The following CDC42 variants were observed in gnomAD, a reference collection of about 807,000 sequenced individuals.
The protein encoded by CDC42 is cell division control protein 42 homolog.
A neutral mutation model predicts 20.8 loss-of-function variants in CDC42; 1 was observed. The observed-to-expected ratio is 0.05, with a 90% CI of 0.02 to 0.23. The LOEUF (loss-of-function observed/expected upper bound fraction) is 0.23. Among genes scored for constraint, CDC42 ranks in the 10% least tolerant of loss-of-function variants. The pLI is 1.00. For synonymous variants in CDC42, 72 were observed against 84.8 expected, an observed-to-expected ratio of 0.85 and a Z score of 0.83; for missense variants, 49 against 227.9, an observed-to-expected ratio of 0.21 and a Z score of 5.05.
chr1:22,082,875 A>ATTTTTTTTTTTTTTTTTTTTTTTTTTT (rs3036839), intron 3 of CDC42, among the ~76,000 whole-genome samples: 3 of 140,210 alleles, frequency 2.1e-5, no homozygotes. Flanking sequence ...CACAGAGAAA[A>ATTTTTTTTTTTTTTTTTTTTTTTTTTT]TTTTTATTTT....
At chr1:22,066,997 A>G (rs1330958622) in intron 1 of CDC42, among the ~76,000 whole-genome samples, 2 of 152,056 alleles carry the variant, frequency 1.3e-5, no homozygotes, top group Non-Finnish European at 2.9e-5. Context: ...TGGGAGGCGG[A>G]GGTTGTGGTG....
At chr1:22,063,620 CT>C (rs1276801351) in intron 1 of CDC42, among the ~76,000 whole-genome samples, 1 of 152,166 alleles carries the variant, frequency 6.6e-6, no homozygotes, top group Non-Finnish European at 1.5e-5. Flanking sequence ...ACCAGCACAA[CT>C]ACTGTTAAAT....
At chr1:22,082,797 A>T (rs16826506) in intron 3 of CDC42, among the ~76,000 whole-genome samples, 1 of 152,122 alleles carries the variant, frequency 6.6e-6, no homozygotes, top group Admixed American at 6.5e-5. Flanking sequence ...TGGAATATAG[A>T]GAAAACAATG....
In CDC42 at chr1:22,095,528, C is replaced by A. The variant is rs540549088; in HGVS notation, c.*4011C>A. Among the ~76,000 whole-genome samples, 31 of 152,136 alleles carry A rather than the reference C, an allele frequency of 2.0e-4. No homozygotes were observed. Among genetic ancestry groups the A allele is most frequent in the Non-Finnish European group, 4.1e-4 (28 of 68,032 alleles). ...TCGTGATCCGCCCGCCTTGGCCTCCCAAAGTGCTAGGATTACAGGCGTGAG... is the reference window on the plus strand; with the variant it reads ...TCGTGATCCGCCCGCCTTGGCCTCCAAAAGTGCTAGGATTACAGGCGTGAG... On this transcript the variant is annotated 3_prime_UTR_variant, in exon 6 of 6. Transcript: ENST00000656825.
At position 22,094,130 on chromosome 1, in the gene CDC42, T is replaced by C. The variant is rs892362251; in HGVS notation, c.*2613T>C. ...TAACAAACTTGCTTATAGTCGTGGC[T>C]TAGAAGGTGAGTGATATTCTCCAGG... is the stretch of plus-strand genomic sequence containing the variant. On this transcript the variant is annotated 3_prime_UTR_variant, in exon 6 of 6. Coordinates refer to ENST00000656825, the MANE Select transcript of CDC42 (RefSeq NM_001791.4). Among the ~76,000 whole-genome samples the C allele has an allele frequency of 1.4e-4, 21 of 152,008 alleles. No homozygotes were observed.
At chr1:22,069,914 A>C (rs1645466748) in intron 1 of CDC42, among the ~76,000 whole-genome samples, 1 of 151,958 alleles carries the variant, frequency 6.6e-6, no homozygotes, top group Non-Finnish European at 1.5e-5. Flanking sequence ...CAGCCTCCCA[A>C]GTAGCTGGGA....
rs2124064686 is a variant in CDC42 at position 22,095,751 on chromosome 1, G to C, written c.*4234G>C. On this transcript the variant is annotated 3_prime_UTR_variant, in exon 6 of 6. Coordinates refer to ENST00000656825, the MANE Select transcript of CDC42 (RefSeq NM_001791.4). ...CAGCTGAACTTGTCTCTAGCCTTCA[G>C]ATTGGGCTCAGGTGGGCTTTGTGTT... Among the ~76,000 whole-genome samples, 1 of 152,206 alleles carries C rather than the reference G, an allele frequency of 6.6e-6. No homozygotes were observed. The highest frequency in any genetic ancestry group is 2.1e-4 in the South Asian group (1 of 4,824).
intron 1 of CDC42, among the ~76,000 whole-genome samples, chr1:22,055,003 G>T (rs1333245807): frequency 8.7e-6 from 1 of 115,156 alleles, no homozygotes; most frequent in Non-Finnish European, 1.6e-5. Flanking sequence ...TCCCAGGCTG[G>T]AGTGCAGTGG....
At position 22,054,480 on chromosome 1, in the gene CDC42, G is replaced by T. The variant is rs534107581; in HGVS notation, c.-51+1738G>T. ...GAGATCACAATTTTTGTTCCCTAGG[G>T]TGTTTACATTCTAAATTTTGTATCC... On this transcript the variant is annotated intron_variant, in intron 1 of 5. Coordinates refer to ENST00000656825, the MANE Select transcript of CDC42 (RefSeq NM_001791.4). Among the ~76,000 whole-genome samples the T allele has an allele frequency of 3.3e-5, 5 of 152,190 alleles. No individual in the cohort carries two copies. The South Asian group carries it at 6.2e-4, about 19-fold the overall frequency.
At position 22,094,487 on chromosome 1, in the gene CDC42, C is replaced by T. The variant is rs536727511; in HGVS notation, c.*2970C>T. ...TAATTTTTTGTATTTTTAGTAGAGACGGGGTTTCACCGTGTTAGCCAGAAT... is the reference window on the plus strand; with the variant it reads ...TAATTTTTTGTATTTTTAGTAGAGATGGGGTTTCACCGTGTTAGCCAGAAT... On this transcript the variant is annotated 3_prime_UTR_variant, in exon 6 of 6. Coordinates refer to ENST00000656825, the MANE Select transcript of CDC42 (RefSeq NM_001791.4). Among the ~76,000 whole-genome samples the T allele has an allele frequency of 5.5e-5, 8 of 146,286 alleles. No individual in the cohort carries two copies. Among genetic ancestry groups the T allele is most frequent in the South Asian group, 4.4e-4 (2 of 4,590 alleles).
At chr1:22,053,469 C>T (rs774335502) in intron 1 of CDC42, 4 of 152,270 alleles carry the variant, frequency 2.6e-5, no homozygotes, top group Non-Finnish European at 5.9e-5. Flanking sequence ...CTCCTCCAGC[C>T]CGCTCCCTGC....
At chr1:22,071,217 T>G (rs1645488605) in intron 1 of CDC42, among the ~76,000 whole-genome samples, 1 of 151,874 alleles carries the variant, frequency 6.6e-6, no homozygotes, top group Non-Finnish European at 1.5e-5. Context: ...CTAATTTTTT[T>G]GTATTTTTAG....
At position 22,094,361 on chromosome 1, in the gene CDC42, G is replaced by A. The variant is rs1160001433; in HGVS notation, c.*2844G>A. On this transcript the variant is annotated 3_prime_UTR_variant, in exon 6 of 6. Coordinates refer to ENST00000656825, the MANE Select transcript of CDC42 (RefSeq NM_001791.4). ...CGCCCAGGCTGGAGTGCAGTGGCGC[G>A]ATCTCGGCTCACTGCAAGCTCCGCC... 2.0e-4 allele frequency among the ~76,000 whole-genome samples: 23 copies of A among 117,404 alleles called. No homozygotes were observed. Among genetic ancestry groups the A allele is most frequent in the African/African-American group, 8.0e-4 (23 of 28,814 alleles). 77.0% of individuals were successfully genotyped at this position (117,404 alleles called of 152,430 possible).
At position 22,099,241 on chromosome 1, in the gene CDC42, C is replaced by T. The variant is rs1645775341; in HGVS notation, c.*7724C>T. On this transcript the variant is annotated 3_prime_UTR_variant, in exon 6 of 6. Coordinates refer to ENST00000656825, the MANE Select transcript of CDC42 (RefSeq NM_001791.4). The stretch of plus-strand genomic sequence containing the variant: ...ATTAATCACATCCAGGAGGGCTCTG[C>T]CCTAACTGCTGAGAATCATAAAAGA... Among the ~76,000 whole-genome samples the T allele has an allele frequency of 6.6e-6, 1 of 152,240 alleles. No individual in the cohort carries two copies. The highest frequency in any genetic ancestry group is 2.4e-5 in the African/African-American group (1 of 41,470).
At chr1:22,088,762 T>C (rs1645687650) in intron 5 of CDC42, among the ~76,000 whole-genome samples, 1 of 152,244 alleles carries the variant, frequency 6.6e-6, no homozygotes. Context: ...TCCCTTTCTG[T>C]ACTCCTTCCT....
intron 1 of CDC42, among the ~76,000 whole-genome samples, chr1:22,054,052 A>G (rs537416467): frequency 6.6e-6 from 1 of 152,210 alleles, no homozygotes; most frequent in Non-Finnish European, 1.5e-5. Flanking sequence ...AGGTTGATTC[A>G]AGTGCACTTT....
chr1:22,068,180 A>T (rs1027253137), intron 1 of CDC42, among the ~76,000 whole-genome samples: 2 of 152,196 alleles, frequency 1.3e-5, no homozygotes, highest in Non-Finnish European at 2.9e-5. Context: ...CATCCATTAC[A>T]CATCTGTTTC....
chr1:22,065,179 T>C (rs373859716), intron 1 of CDC42, among the ~76,000 whole-genome samples: 1 of 152,220 alleles, frequency 6.6e-6, no homozygotes, highest in Non-Finnish European at 1.5e-5. Flanking sequence ...TTAGGGCTGC[T>C]TGATTGAAAG....
intron 2 of CDC42, among the ~76,000 whole-genome samples, chr1:22,079,801 C>G (rs1041290879): frequency 6.6e-6 from 1 of 152,134 alleles, no homozygotes; most frequent in Admixed American, 6.5e-5. Flanking sequence ...TACTTGTAAA[C>G]ATAATTTCTG....
Sources: gnomAD v4.1 joint callset for allele counts (sites outside exome capture counted in the v4.1 genomes callset) on GRCh38, gnomAD v4.1.1 for gene constraint, MANE v1.5 for transcripts, NCBI Gene and HGNC (gene_info 2026-07-23, HGNC 2026-07-21) for gene names.